The following FBXL7 variants were observed in gnomAD, a reference collection of about 807,000 sequenced individuals.
FBXL7 encodes the protein F-box/LRR-repeat protein 7.
Under a neutral mutation model 38.3 loss-of-function variants are expected in FBXL7, and 12 were observed. The ratio of observed to expected loss-of-function variants is 0.31; its 90% confidence interval spans 0.20 to 0.51. The LOEUF (loss-of-function observed/expected upper bound fraction) is 0.51, where lower values mean the gene tolerates loss of function less well. Among genes scored for constraint, FBXL7 ranks in the 20% least tolerant of loss-of-function variants. The pLI is 0.98. For synonymous variants in FBXL7, 297 were observed against 300.9 expected, an observed-to-expected ratio of 0.99 and a Z score of 0.13; for missense variants, 567 against 676.4, an observed-to-expected ratio of 0.84 and a Z score of 1.79.
chr5:15,784,920 A>G (rs1244015733), intron 2 of FBXL7, among the ~76,000 whole-genome samples: 1 of 152,226 alleles, frequency 6.6e-6, no homozygotes, highest in African/African-American at 2.4e-5. Context: ...TCACTAGCAC[A>G]AGATTCTACG....
At chr5:15,785,229 C>G (rs1737104228) in intron 2 of FBXL7, among the ~76,000 whole-genome samples, 1 of 152,148 alleles carries the variant, frequency 6.6e-6, no homozygotes, top group South Asian at 2.1e-4. Context: ...AAACGGCTGT[C>G]GAGGCAACAC....
intron 1 of FBXL7, among the ~76,000 whole-genome samples, chr5:15,567,515 T>G (rs139810837): frequency 6.6e-6 from 1 of 152,200 alleles, no homozygotes; most frequent in African/African-American, 2.4e-5. Flanking sequence ...CAGCATTCAG[T>G]GACCGTTACT....
intron 2 of FBXL7, among the ~76,000 whole-genome samples, chr5:15,754,160 G>A (rs558579119): frequency 6.6e-6 from 1 of 152,308 alleles, no homozygotes; most frequent in South Asian, 2.1e-4. Flanking sequence ...CACACTTTGA[G>A]AATCACTGGA....
chr5:15,806,386 TA>T (rs1044213474), intron 2 of FBXL7, among the ~76,000 whole-genome samples: 4 of 150,628 alleles, frequency 2.7e-5, no homozygotes, highest in Non-Finnish European at 5.9e-5. Context: ...TTGACAAGTG[TA>T]AAAACAAAAA....
intron 2 of FBXL7, among the ~76,000 whole-genome samples, chr5:15,772,443 A>G (rs1736752831): frequency 6.6e-6 from 1 of 152,208 alleles, no homozygotes; most frequent in African/African-American, 2.4e-5. Flanking sequence ...TTTCCATGGC[A>G]TAGAAGACAA....
At chr5:15,705,270 T>C (rs1402020343) in intron 2 of FBXL7, among the ~76,000 whole-genome samples, 1 of 152,270 alleles carries the variant, frequency 6.6e-6, no homozygotes, top group Non-Finnish European at 1.5e-5. Flanking sequence ...GATTTATCTT[T>C]GTTTACTGTT....
intron 1 of FBXL7, among the ~76,000 whole-genome samples, chr5:15,570,092 G>A (rs1219235831): frequency 1.3e-5 from 2 of 152,220 alleles, no homozygotes; most frequent in Non-Finnish European, 2.9e-5. Flanking sequence ...TATCAGGATG[G>A]TGCTGGCCTC....
intron 1 of FBXL7, among the ~76,000 whole-genome samples, chr5:15,504,119 T>G (rs944702775): frequency 6.6e-6 from 1 of 152,262 alleles, no homozygotes; most frequent in East Asian, 1.9e-4. Context: ...GAGAACTTAC[T>G]GTGTAGAGTA....
chr5:15,732,462 T>G (rs1273512636), intron 2 of FBXL7, among the ~76,000 whole-genome samples: 2 of 152,206 alleles, frequency 1.3e-5, no homozygotes, highest in African/African-American at 4.8e-5. Flanking sequence ...TTTTTTTCCC[T>G]CTCTTTTATT....
intron 2 of FBXL7, among the ~76,000 whole-genome samples, chr5:15,643,530 T>G (rs568317376): frequency 6.6e-6 from 1 of 152,188 alleles, no homozygotes; most frequent in Non-Finnish European, 1.5e-5. Flanking sequence ...CTTCTTTACT[T>G]TTTTTACTAT....
In FBXL7 at chr5:15,871,725, T is replaced by A. The variant is rs116540546; in HGVS notation, c.128-56165T>A. On this transcript the variant is annotated intron_variant, in intron 2 of 3. Transcript: ENST00000504595. ...TCAGAGATTGAAGATCATTAAAGCATGAAGACAAGATTAGAGAAAAAAGAA... is the reference window on the plus strand; with the variant it reads ...TCAGAGATTGAAGATCATTAAAGCAAGAAGACAAGATTAGAGAAAAAAGAA... Among the ~76,000 whole-genome samples, 317 of 151,198 alleles carry A rather than the reference T, an allele frequency of 2.1e-3. 1 individual carries two copies. Among genetic ancestry groups the A allele is most frequent in the African/African-American group, 7.1e-3 (294 of 41,376 alleles).
intron 2 of FBXL7, among the ~76,000 whole-genome samples, chr5:15,772,188 A>G (rs1736747275): frequency 6.6e-6 from 1 of 152,134 alleles, no homozygotes; most frequent in African/African-American, 2.4e-5. Flanking sequence ...ACAGCTAAAC[A>G]CCTATCTTAC....
At chr5:15,923,315 A>G (rs1741795684) in intron 2 of FBXL7, among the ~76,000 whole-genome samples, 1 of 152,240 alleles carries the variant, frequency 6.6e-6, no homozygotes, top group Non-Finnish European at 1.5e-5. Context: ...TGAACGAAAT[A>G]TACTACTTAG....
At chr5:15,866,057 AC>A (rs1419927560) in intron 2 of FBXL7, among the ~76,000 whole-genome samples, 1 of 152,190 alleles carries the variant, frequency 6.6e-6, no homozygotes, top group Non-Finnish European at 1.5e-5. Flanking sequence ...CAGAAGGCCC[AC>A]CATAGCCAAA....
At chr5:15,553,830 G>A (rs995874086) in intron 1 of FBXL7, among the ~76,000 whole-genome samples, 4 of 152,210 alleles carry the variant, frequency 2.6e-5, no homozygotes, top group East Asian at 1.9e-4. Flanking sequence ...CACCTGGAGG[G>A]AGGCTTAGTG....
chr5:15,823,381 C>T (rs1287542703), intron 2 of FBXL7, among the ~76,000 whole-genome samples: 1 of 152,164 alleles, frequency 6.6e-6, no homozygotes, highest in Non-Finnish European at 1.5e-5. Flanking sequence ...TATAACCTGT[C>T]ATTTGGAAAT....
chr5:15,563,416 T>A (rs1046486497), intron 1 of FBXL7, among the ~76,000 whole-genome samples: 1 of 152,160 alleles, frequency 6.6e-6, no homozygotes, highest in Non-Finnish European at 1.5e-5. Flanking sequence ...GAAAGTTCTC[T>A]TAGGAAATGC....
intron 2 of FBXL7, among the ~76,000 whole-genome samples, chr5:15,700,414 TG>T (rs1325945695): frequency 6.6e-6 from 1 of 152,206 alleles, no homozygotes; most frequent in Admixed American, 6.5e-5. Context: ...TGTAGGCTTC[TG>T]CATGGAACCA....
chr5:15,919,450 G>C (rs1001328204), intron 2 of FBXL7, among the ~76,000 whole-genome samples: 7 of 152,044 alleles, frequency 4.6e-5, no homozygotes, highest in African/African-American at 1.7e-4. Flanking sequence ...CCCAGAAAAA[G>C]ACAGCTATAC....
Sources: allele counts gnomAD v4.1 joint callset (sites outside exome capture counted in the v4.1 genomes callset), GRCh38; gene constraint gnomAD v4.1.1; transcripts MANE v1.5; gene names NCBI Gene and HGNC (gene_info 2026-07-23, HGNC 2026-07-21).